Variants in TSPAN9 observed in about 807,000 individuals in gnomAD.
TSPAN9 encodes the protein tetraspanin-9.
TSPAN9 carries 16 observed loss-of-function variants against 31.0 expected under a neutral mutation model. That is an observed-to-expected ratio of 0.52 (90% confidence interval 0.35 to 0.78). The LOEUF (loss-of-function observed/expected upper bound fraction) is 0.78. Among genes scored for constraint, TSPAN9 ranks in the 30% least tolerant of loss-of-function variants. The probability of loss-of-function intolerance (pLI) is 0.01; values close to 1 mark genes in which losing one functional copy is unlikely to be tolerated. For synonymous variants in TSPAN9, 145 were observed against 121.6 expected (o/e 1.19, Z -1.27); for missense variants, 272 against 312.5 (o/e 0.87, Z 0.98).
Position 3,081,507 on chromosome 12 carries a change from A to G in TSPAN9, c.-84-2146A>G, listed in dbSNP as rs563363629. Among the ~76,000 whole-genome samples the G allele has an allele frequency of 2.6e-5, 4 of 152,006 alleles. No homozygotes were observed. In the East Asian group the frequency reaches 7.7e-4, roughly 29 times the overall value. ...CCTCTCCTCTTTCAAGACCTTTCTCATGTCTGAGCTCCTCTCAAGACCCTG... is the reference window on the plus strand; with the variant it reads ...CCTCTCCTCTTTCAAGACCTTTCTCGTGTCTGAGCTCCTCTCAAGACCCTG... On this transcript the variant is annotated intron_variant, in intron 1 of 8. Transcript: ENST00000011898.
chr12:3,281,493 G>A (rs1204282985), intron 7 of TSPAN9, among the ~76,000 whole-genome samples, 164 bp downstream of exon 7: 5 of 152,054 alleles, frequency 3.3e-5, no homozygotes, highest in Non-Finnish European at 7.4e-5. Context: ...AAAATGGGGG[G>A]TGGGGCTGGA....
intron 2 of TSPAN9, among the ~76,000 whole-genome samples, chr12:3,128,584 G>A (rs1591639727): frequency 1.3e-5 from 2 of 152,012 alleles, no homozygotes; most frequent in Non-Finnish European, 2.9e-5. Flanking sequence ...AAAGCCCCAC[G>A]AAAGGCTGAA....
At chr12:3,131,378 A>G (rs1260215072) in intron 2 of TSPAN9, among the ~76,000 whole-genome samples, 2 of 152,206 alleles carry the variant, frequency 1.3e-5, no homozygotes, top group Admixed American at 6.5e-5. Flanking sequence ...GGCGTACAGC[A>G]GCAGCCAGTT....
chr12:3,223,311 C>T (rs112245749), intron 3 of TSPAN9, among the ~76,000 whole-genome samples: 7 of 152,274 alleles, frequency 4.6e-5, no homozygotes, highest in South Asian at 2.1e-4. Context: ...GAACACAGCT[C>T]ACCGCCAAGG....
chr12:3,132,447 A>T (rs1422756862), intron 2 of TSPAN9, among the ~76,000 whole-genome samples: 2 of 151,810 alleles, frequency 1.3e-5, no homozygotes, highest in Non-Finnish European at 2.9e-5. Flanking sequence ...TTTCCTTTTT[A>T]AAAAAATTAT....
intron 2 of TSPAN9, among the ~76,000 whole-genome samples, chr12:3,084,448 G>C (rs903638387): frequency 6.6e-6 from 1 of 151,876 alleles, no homozygotes; most frequent in Non-Finnish European, 1.5e-5. Context: ...TGGTGTAGTC[G>C]GTGGAGCAGG....
intron 2 of TSPAN9, among the ~76,000 whole-genome samples, chr12:3,106,107 T>C (rs890933803): frequency 3.3e-5 from 5 of 152,284 alleles, no homozygotes; most frequent in South Asian, 2.1e-4. Flanking sequence ...CACACACACA[T>C]GCCTGCCCAT....
At chr12:3,246,539 A>C (rs766629633) in intron 3 of TSPAN9, among the ~76,000 whole-genome samples, 4 of 152,084 alleles carry the variant, frequency 2.6e-5, no homozygotes, top group Non-Finnish European at 4.4e-5. Flanking sequence ...CATCTGGCAA[A>C]ATTTCCCACT....
chr12:3,260,726 A>AGGGGCAGGGAG (rs896232956), intron 3 of TSPAN9, among the ~76,000 whole-genome samples: 5 of 152,114 alleles, frequency 3.3e-5, no homozygotes, highest in Admixed American at 2.6e-4. Context: ...ACAGAGGTGG[A>AGGGGCAGGGAG]GGGGCAGGGA....
intron 2 of TSPAN9, among the ~76,000 whole-genome samples, chr12:3,161,809 A>G (rs1013662533): frequency 1.7e-4 from 26 of 150,240 alleles, no homozygotes; most frequent in African/African-American, 5.4e-4. Context: ...CTATCTATCT[A>G]TCTATCTGTC....
At chr12:3,257,633 T>C (rs1217209356) in intron 3 of TSPAN9, among the ~76,000 whole-genome samples, 1 of 152,048 alleles carries the variant, frequency 6.6e-6, no homozygotes, top group Non-Finnish European at 1.5e-5. Flanking sequence ...CTCCTGCACC[T>C]CCTGCCCCCT....
In TSPAN9 at chr12:3,107,060, C is replaced by T. The variant is rs1224623680; in HGVS notation, c.-18+23341C>T. ...AGCCACAGAAGCAAAGCAAACAGGCCCCTGACTTTGTTTCTATTTCAGAAA... is the reference window on the plus strand; with the variant it reads ...AGCCACAGAAGCAAAGCAAACAGGCTCCTGACTTTGTTTCTATTTCAGAAA... On this transcript the variant is annotated intron_variant, in intron 2 of 8. Transcript: ENST00000011898. This position sits in a 1 kb window ranked among gnomAD's most constrained non-coding sequence, Gnocchi z 4.1. Among the ~76,000 whole-genome samples, 1 of 152,126 alleles carries T rather than the reference C, an allele frequency of 6.6e-6. No individual in the cohort carries two copies. Among genetic ancestry groups the T allele is most frequent in the Non-Finnish European group, 1.5e-5 (1 of 68,014 alleles).
intron 3 of TSPAN9, among the ~76,000 whole-genome samples, chr12:3,242,034 G>A (rs1244419976): frequency 6.6e-6 from 1 of 152,180 alleles, no homozygotes; most frequent in Non-Finnish European, 1.5e-5. Context: ...TCAGCGAATC[G>A]GGGGAGAGAA....
chr12:3,153,054 C>T (rs2098340615), intron 2 of TSPAN9, among the ~76,000 whole-genome samples: 1 of 152,204 alleles, frequency 6.6e-6, no homozygotes, highest in South Asian at 2.1e-4. Flanking sequence ...TGCACGCCTG[C>T]GCGTGTGTGG....
chr12:3,194,912 C>T (rs562179014), intron 2 of TSPAN9, among the ~76,000 whole-genome samples: 45 of 152,278 alleles, frequency 3.0e-4, no homozygotes, highest in Non-Finnish European at 5.1e-4. Context: ...TCTTTTGGCA[C>T]GGTTGCTAAA....
chr12:3,175,072 C>T (rs11062547), intron 2 of TSPAN9, among the ~76,000 whole-genome samples: 109,864 of 151,730 alleles, frequency 0.72, 39,885 homozygotes, highest in Admixed American at 0.78. Context: ...TGAAGTGTTG[C>T]GGACACAACC....
At chr12:3,157,247 C>T (rs1416079846) in intron 2 of TSPAN9, among the ~76,000 whole-genome samples, 2 of 152,032 alleles carry the variant, frequency 1.3e-5, no homozygotes, top group Non-Finnish European at 2.9e-5. Flanking sequence ...CTACGGGTGC[C>T]CGCCACCATG....
rs1862847175 is a variant in TSPAN9, at chr12:3,278,982, T to C, written c.256-10T>C. On this transcript the variant is annotated splice_polypyrimidine_tract_variant and intron_variant, in intron 4 of 8. Transcript: ENST00000011898. ...TACCACCTACCCATGCCTGGCCCTT[T>C]CCTTTCCAGTTTTTCATCGTCCTGT... 6.2e-7 allele frequency: 1 copy of C among 1,613,998 alleles called. No individual in the cohort carries two copies. Among genetic ancestry groups the C allele is most frequent in the African/African-American group, 1.3e-5 (1 of 74,934 alleles).
intron 2 of TSPAN9, among the ~76,000 whole-genome samples, chr12:3,140,519 AGGAGTCCCTGCAG>A (rs1419349567): frequency 1.3e-5 from 2 of 152,150 alleles, no homozygotes; most frequent in Non-Finnish European, 2.9e-5. Flanking sequence ...AGGCCTGCAG[AGGAGTCCCTGCAG>A]GGAAGTTCAG....
Sources: gnomAD v4.1 joint callset for allele counts (sites outside exome capture counted in the v4.1 genomes callset) on GRCh38, gnomAD v4.1.1 for gene constraint, Gnocchi (gnomAD v3.1) non-coding constraint, MANE v1.5 for transcripts, NCBI Gene and HGNC (gene_info 2026-07-23, HGNC 2026-07-21) for gene names.